Variants in PLXNA4 observed in about 807,000 individuals in gnomAD.
PLXNA4 encodes plexin-A4.
PLXNA4 carries 44 observed loss-of-function variants against 191.8 expected under a neutral mutation model. That is an observed-to-expected ratio of 0.23 (90% CI 0.18 to 0.29). The LOEUF is 0.29. Ranked by LOEUF, PLXNA4 falls within the 10% of genes least tolerant of loss-of-function variation. PLXNA4 has a pLI of 1.00. For synonymous variants in PLXNA4, 1,082 were observed against 1,009.5 expected (o/e 1.07, Z -1.36); for missense variants, 1,800 against 2,488.8 (o/e 0.72, Z 5.89).
intron 3 of PLXNA4, among the ~76,000 whole-genome samples, chr7:132,301,410 T>C (rs1301192178): frequency 6.6e-6 from 1 of 152,214 alleles, no homozygotes; most frequent in Non-Finnish European, 1.5e-5. Context: ...GCATTTTATA[T>C]ATATTTATTT....
chr7:132,507,913 G>C lies in PLXNA4; in HGVS notation c.781C>G (p.Pro261Ala). ...GNFVYFLTLQ[P>A]EMVSPPGSTT... ...GAGCCTGGTGGAGACACCATCTCAG[G>C]TTGGAGGGTCAAAAAGTAGACAAAG... Residue 261 changes from proline (P) to alanine (A), a missense_variant, in exon 2 of 32, where the codon CCT becomes GCT. Around this residue, in one of 6 missense-constraint regions of PLXNA4, gnomAD observed 1,397 missense variants for 1,880.4 expected, o/e 0.74. Transcript: ENST00000321063. The C allele has an allele frequency of 6.2e-7, 1 of 1,614,168 alleles. No individual in the cohort carries two copies. Among genetic ancestry groups the C allele is most frequent in the Non-Finnish European group, 8.5e-7 (1 of 1,180,036 alleles).
At chr7:132,484,505 G>A (rs1006977428) in intron 3 of PLXNA4, among the ~76,000 whole-genome samples, 3 of 152,220 alleles carry the variant, frequency 2.0e-5, no homozygotes, top group Non-Finnish European at 4.4e-5. Context: ...ATAGCAAATA[G>A]AGGGTCTTTT....
chr7:132,473,237 TGGC>T (rs1478003923), intron 3 of PLXNA4, among the ~76,000 whole-genome samples: 10 of 152,230 alleles, frequency 6.6e-5, no homozygotes, highest in Admixed American at 2.6e-4. Context: ...TACCTCTGCA[TGGC>T]TCTGAAGTTG....
At chr7:132,390,384 A>G (rs946228725) in intron 3 of PLXNA4, among the ~76,000 whole-genome samples, 3 of 151,990 alleles carry the variant, frequency 2.0e-5, no homozygotes, top group Admixed American at 2.0e-4. Context: ...ACATGGACAC[A>G]GGGAGGGTAA....
At chr7:132,627,917 C>T (rs1803413958) in intron 2 of PLXNA4, among the ~76,000 whole-genome samples, 1 of 152,240 alleles carries the variant, frequency 6.6e-6, no homozygotes, top group African/African-American at 2.4e-5. Flanking sequence ...GATACTCTCA[C>T]TAATATCTCT....
intron 3 of PLXNA4, among the ~76,000 whole-genome samples, chr7:132,333,230 A>G (rs1337885484): frequency 6.6e-6 from 1 of 151,994 alleles, no homozygotes; most frequent in Non-Finnish European, 1.5e-5. Context: ...GCTAGTGGGG[A>G]ATTTGTGGGA....
chr7:132,589,796 A>G (rs1310253300), intron 2 of PLXNA4, among the ~76,000 whole-genome samples: 1 of 152,208 alleles, frequency 6.6e-6, no homozygotes, highest in African/African-American at 2.4e-5. Flanking sequence ...AAACTAAAAC[A>G]TGGTGTTGTG....
At position 132,493,017 on chromosome 7, in the gene PLXNA4, G is replaced by T. The variant is rs868102541; in HGVS notation, c.1189-3543C>A. Among the ~76,000 whole-genome samples the T allele has an allele frequency of 1.3e-4, 20 of 152,340 alleles. 2 individuals carry two copies. In the South Asian group the frequency reaches 3.5e-3, roughly 27 times the overall value. ...CTAATTACAGTACCTGAAGCAGGGG[G>T]AGGGAGGGTCCCCCAGGGCCTGTAG... On this transcript the variant is annotated intron_variant, in intron 2 of 31. Coordinates refer to ENST00000321063, the MANE Select transcript of PLXNA4 (RefSeq NM_020911.2).
Position 132,228,528 on chromosome 7 carries a change from G to A in PLXNA4, c.1605-59C>T, listed in dbSNP as rs748075927. The A allele has an allele frequency of 4.4e-5, 70 of 1,600,770 alleles. No homozygotes were observed. The Admixed American group carries it at 6.4e-4, about 15-fold the overall frequency. On this transcript the variant is annotated intron_variant, in intron 5 of 31. Transcript: ENST00000321063. ...ATGGCCGCTTGGTCCAGGGAGGGGC[G>A]GATGCTGAGGTCAGGTGTTTCCAGC...
intron 3 of PLXNA4, among the ~76,000 whole-genome samples, chr7:132,306,762 A>T (rs528214002): frequency 7.3e-4 from 111 of 152,276 alleles, no homozygotes; most frequent in African/African-American, 2.6e-3. Context: ...GTGCACACAC[A>T]TGTATACACA....
intron 1 of PLXNA4, among the ~76,000 whole-genome samples, chr7:132,521,606 C>T (rs558913462): frequency 6.6e-6 from 1 of 152,278 alleles, no homozygotes; most frequent in Non-Finnish European, 1.5e-5. Flanking sequence ...CTCTTTTTCC[C>T]CTGACCCCTG....
intron 3 of PLXNA4, among the ~76,000 whole-genome samples, chr7:132,397,714 G>A (rs1371414726): frequency 6.6e-6 from 1 of 152,152 alleles, no homozygotes; most frequent in African/African-American, 2.4e-5. Flanking sequence ...ACCTATGCTG[G>A]GGGCCTTCCT....
At chr7:132,647,657 TCACA>T in intron 1 of PLXNA4, among the ~76,000 whole-genome samples, 1 of 150,670 alleles carries the variant, frequency 6.6e-6, no homozygotes, top group Non-Finnish European at 1.5e-5. Context: ...ACTCATACAC[TCACA>T]TACACACAGT....
At chr7:132,607,152 A>G (rs1802941869) in intron 2 of PLXNA4, among the ~76,000 whole-genome samples, 1 of 152,246 alleles carries the variant, frequency 6.6e-6, no homozygotes, top group African/African-American at 2.4e-5. Flanking sequence ...AAGATTTTCA[A>G]TAATCCACAG....
chr7:132,530,117 T>C (rs1799567716), intron 1 of PLXNA4, among the ~76,000 whole-genome samples: 1 of 152,158 alleles, frequency 6.6e-6, no homozygotes, highest in Non-Finnish European at 1.5e-5. Context: ...TAGATCATTA[T>C]TATTAATAGA....
At chr7:132,309,395 A>T (rs550641911) in intron 3 of PLXNA4, among the ~76,000 whole-genome samples, 1 of 152,036 alleles carries the variant, frequency 6.6e-6, no homozygotes, top group African/African-American at 2.4e-5. Flanking sequence ...GTGGCTCTGC[A>T]TGGTGTCAGG....
intron 3 of PLXNA4, among the ~76,000 whole-genome samples, chr7:132,416,602 A>G (rs1206391971): frequency 6.6e-6 from 1 of 152,018 alleles, no homozygotes; most frequent in Non-Finnish European, 1.5e-5. Flanking sequence ...CACTATTATG[A>G]CTCCTGACAG....
chr7:132,261,728 T>C (rs544845849), intron 4 of PLXNA4, among the ~76,000 whole-genome samples: 2 of 152,288 alleles, frequency 1.3e-5, no homozygotes, highest in South Asian at 2.1e-4. Context: ...AAAGAAACAG[T>C]TCCAGATGGT....
At chr7:132,376,105 T>C (rs1804648021) in intron 3 of PLXNA4, among the ~76,000 whole-genome samples, 1 of 152,142 alleles carries the variant, frequency 6.6e-6, no homozygotes, top group South Asian at 2.1e-4. Context: ...GGTGTTGTTG[T>C]GAGAATCAAA....
Sources: allele counts gnomAD v4.1 joint callset (sites outside exome capture counted in the v4.1 genomes callset), GRCh38; gene constraint gnomAD v4.1.1; regional missense constraint gnomAD v4.1.1; transcripts MANE v1.5; gene names NCBI Gene and HGNC (gene_info 2026-07-23, HGNC 2026-07-21).